Variants in ESRRB observed in about 807,000 individuals in gnomAD.
ESRRB encodes the protein steroid hormone receptor ERR2.
A neutral mutation model predicts 46.0 loss-of-function variants in ESRRB; 16 were observed. The observed-to-expected ratio is 0.35, with a 90% CI of 0.24 to 0.53. The LOEUF (loss-of-function observed/expected upper bound fraction) is 0.53. Among genes scored for constraint, ESRRB ranks in the 20% least tolerant of loss-of-function variants. ESRRB has a pLI of 0.93. For synonymous variants in ESRRB, 246 were observed against 259.6 expected (o/e 0.95, Z 0.50); for missense variants, 488 against 607.4 (o/e 0.80, Z 2.07).
chr14:76,340,444 G>T (rs981414409), intron 1 of ESRRB, among the ~76,000 whole-genome samples: 3 of 152,196 alleles, frequency 2.0e-5, no homozygotes, highest in African/African-American at 7.2e-5. Context: ...CTATGGTTCG[G>T]TTCCGTGGCT....
Position 76,469,211 on chromosome 14 carries a change from A to T in ESRRB, c.577+6550A>T, listed in dbSNP as rs139810795. 6.5e-4 allele frequency among the ~76,000 whole-genome samples: 99 copies of T among 152,152 alleles called. 1 individual carries two copies. In the East Asian group the frequency reaches 0.017, roughly 26 times the overall value. On this transcript the variant is annotated intron_variant, in intron 3 of 6. Coordinates refer to ENST00000644823, the MANE Select transcript of ESRRB (RefSeq NM_001379180.1). ...CAGGTTCAAGCGATTCTCCTGCCTC[A>T]ACTTCCCAAGTAGCTGAGATTATAG... is the stretch of plus-strand genomic sequence containing the variant.
At chr14:76,385,758 A>C (rs187407777) in intron 1 of ESRRB, among the ~76,000 whole-genome samples, 1 of 152,246 alleles carries the variant, frequency 6.6e-6, no homozygotes. Context: ...TGGCCTTTGC[A>C]TTATGAATAA....
rs374585390 is a variant in ESRRB, at chr14:76,443,121, G to T, written c.460+3371G>T. Among the ~76,000 whole-genome samples the T allele has an allele frequency of 2.9e-3, 435 of 152,100 alleles. 1 individual carries two copies. The highest frequency in any genetic ancestry group is 5.2e-3 in the Non-Finnish European group (355 of 67,994). The stretch of plus-strand genomic sequence containing the variant: ...ATGAGCCACCGCGCCCGGTCATAAA[G>T]TGATTTATTTCTTAAATGAGCCCTT... On this transcript the variant is annotated intron_variant, in intron 2 of 6. Transcript: ENST00000644823.
intron 1 of ESRRB, among the ~76,000 whole-genome samples, chr14:76,380,151 A>T (rs1194024206): frequency 6.6e-6 from 1 of 152,114 alleles, no homozygotes; most frequent in African/African-American, 2.4e-5. Context: ...GTTTTTAAAG[A>T]TAATCTAAAC....
At chr14:76,417,724 CAA>C (rs1400117717) in intron 1 of ESRRB, among the ~76,000 whole-genome samples, 2 of 152,110 alleles carry the variant, frequency 1.3e-5, no homozygotes, top group Non-Finnish European at 2.9e-5. Context: ...CTTCTGGTGA[CAA>C]GAGCTGAAGG....
intron 1 of ESRRB, among the ~76,000 whole-genome samples, chr14:76,325,312 G>C (rs948210569): frequency 1.3e-5 from 2 of 152,136 alleles, no homozygotes; most frequent in Non-Finnish European, 2.9e-5. Context: ...GAAAAATACG[G>C]AAGATAAATT....
At chr14:76,437,402 G>A (rs1165576549) in intron 1 of ESRRB, among the ~76,000 whole-genome samples, 1 of 152,158 alleles carries the variant, frequency 6.6e-6, no homozygotes, top group Non-Finnish European at 1.5e-5. Context: ...TCATAAGGTT[G>A]CACAGACACA....
chr14:76,488,713 C>A (rs1006273613), intron 5 of ESRRB, among the ~76,000 whole-genome samples: 3 of 152,188 alleles, frequency 2.0e-5, no homozygotes, highest in Admixed American at 2.0e-4. Flanking sequence ...TCCAGGGGCA[C>A]CTGGGCATGT....
At position 76,499,703 on chromosome 14, in the gene ESRRB, A is replaced by T; in HGVS notation, c.*1245A>T. On this transcript the variant is annotated 3_prime_UTR_variant, in exon 7 of 7. Transcript: ENST00000644823. ...CCCCTGCAGTCCCCCTGGCTGTGCCAGGTAACCAACCGTCTTGGTTTGTCC... is the reference window on the plus strand; with the variant it reads ...CCCCTGCAGTCCCCCTGGCTGTGCCTGGTAACCAACCGTCTTGGTTTGTCC... The T allele has an allele frequency of 1.4e-6, 1 of 717,182 alleles. No homozygotes were observed. The highest frequency in any genetic ancestry group is 2.0e-5 in the Admixed American group (1 of 49,750). 44.4% of individuals were successfully genotyped at this position (717,182 alleles called of 1,614,324 possible).
intron 1 of ESRRB, chr14:76,407,712 C>A: frequency 2.1e-6 from 1 of 486,344 alleles, no homozygotes; most frequent in Non-Finnish European, 2.7e-6. Context: ...GGTCTGGGTG[C>A]CTCTAGGAGG....
chr14:76,377,509 CT>C (rs146133222), intron 1 of ESRRB, among the ~76,000 whole-genome samples: 3,053 of 152,286 alleles, frequency 0.02, 106 homozygotes, highest in African/African-American at 0.07. Flanking sequence ...CCTCGGAAGG[CT>C]TAATAATAAT....
At chr14:76,354,239 C>T (rs1884351235) in intron 1 of ESRRB, among the ~76,000 whole-genome samples, 1 of 136,006 alleles carries the variant, frequency 7.4e-6, no homozygotes, top group Non-Finnish European at 1.6e-5. Flanking sequence ...CCCCCCCACC[C>T]ACACTTCCAC....
intron 6 of ESRRB, among the ~76,000 whole-genome samples, chr14:76,493,633 A>C (rs1255994995): frequency 1.3e-5 from 2 of 152,252 alleles, no homozygotes; most frequent in African/African-American, 4.8e-5. Context: ...GACAGTACAC[A>C]CAGGGTAACC....
At chr14:76,411,351 G>C (rs1423036900) in intron 1 of ESRRB, among the ~76,000 whole-genome samples, 1 of 152,090 alleles carries the variant, frequency 6.6e-6, no homozygotes, top group Non-Finnish European at 1.5e-5. Context: ...GGGAGGCCGA[G>C]GCAGGAGAAT....
chr14:76,444,056 G>C (rs1888029588), intron 2 of ESRRB, among the ~76,000 whole-genome samples: 2 of 151,930 alleles, frequency 1.3e-5, no homozygotes. Context: ...CAAAGATTTA[G>C]GTTTTGTTGT....
chr14:76,353,094 T>G (rs987477021), intron 1 of ESRRB, among the ~76,000 whole-genome samples: 1 of 152,210 alleles, frequency 6.6e-6, no homozygotes, highest in Non-Finnish European at 1.5e-5. Context: ...ATTGCTCTTG[T>G]GAGAAAAGCT....
intron 3 of ESRRB, among the ~76,000 whole-genome samples, chr14:76,465,639 C>T (rs1029806663): frequency 2.0e-5 from 3 of 152,162 alleles, no homozygotes; most frequent in South Asian, 2.1e-4. Flanking sequence ...ACCCCTGCCC[C>T]GCTGCAAATA....
intron 3 of ESRRB, among the ~76,000 whole-genome samples, chr14:76,479,749 G>A (rs982471743): frequency 3.9e-5 from 6 of 152,136 alleles, no homozygotes; most frequent in South Asian, 2.1e-4. Flanking sequence ...CCTGTGTCAC[G>A]GGTCCATGCC....
At chr14:76,488,380 C>T (rs575180493) in intron 5 of ESRRB, among the ~76,000 whole-genome samples, 9 of 152,238 alleles carry the variant, frequency 5.9e-5, no homozygotes, top group Admixed American at 2.6e-4. Context: ...ACAGGCCTCC[C>T]GGGTACATCC....
Sources: allele counts gnomAD v4.1 joint callset (sites outside exome capture counted in the v4.1 genomes callset), GRCh38; gene constraint gnomAD v4.1.1; transcripts MANE v1.5; gene names NCBI Gene and HGNC (gene_info 2026-07-23, HGNC 2026-07-21).